Variants in UTP6 observed in about 807,000 individuals in gnomAD.
UTP6 encodes U3 small nucleolar RNA-associated protein 6 homolog.
Under a neutral mutation model 96.5 loss-of-function variants are expected in UTP6, and 60 were observed. That is an observed-to-expected ratio of 0.62 (90% confidence interval 0.51 to 0.77). The LOEUF is 0.77. Among genes scored for constraint, UTP6 ranks in the 30% least tolerant of loss-of-function variants. UTP6 has a pLI of 0.00. For missense variants in UTP6, 637 were observed against 706.5 expected (o/e 0.90, Z 1.12); for synonymous variants, 215 against 240.1 (o/e 0.90, Z 0.96).
intron 13 of UTP6, among the ~76,000 whole-genome samples, chr17:31,877,067 G>A (rs894064766): frequency 1.3e-5 from 2 of 152,106 alleles, no homozygotes; most frequent in African/African-American, 2.4e-5. Context: ...CAGTATTTGT[G>A]GAGTGTCAAG....
At chr17:31,870,979 CT>C (rs1234860337) in intron 16 of UTP6, among the ~76,000 whole-genome samples, 1 of 139,558 alleles carries the variant, frequency 7.2e-6, no homozygotes, top group Non-Finnish European at 1.5e-5. Flanking sequence ...TGACACCCAA[CT>C]TTTTAAGTTT....
chr17:31,868,325 GT>G (rs33960994), intron 16 of UTP6, among the ~76,000 whole-genome samples: 111 of 90,508 alleles, frequency 1.2e-3, no homozygotes, highest in African/African-American at 2.8e-3. Context: ...TAGTTTTTTG[GT>G]TTTTTTTTTT....
At chr17:31,863,602 A>G in intron 18 of UTP6, 86 bp from the exon 19 acceptor site, 2 of 1,248,184 alleles carry the variant, frequency 1.6e-6, no homozygotes, top group East Asian at 5.0e-5. Context: ...CAAGATTTCT[A>G]AGAAACTTAA....
chr17:31,865,294 T>C, intron 18 of UTP6, 72 bp downstream of exon 18: 2 of 1,505,778 alleles, frequency 1.3e-6, no homozygotes, highest in African/African-American at 2.8e-5. Context: ...ATTACAGGCA[T>C]GAGCCACTGT....
intron 17 of UTP6, among the ~76,000 whole-genome samples, chr17:31,866,485 T>G (rs1909823399): frequency 6.6e-6 from 1 of 151,058 alleles, no homozygotes; most frequent in Non-Finnish European, 1.5e-5. Flanking sequence ...TCCCAGCACT[T>G]TGGGAGGCTG....
chr17:31,878,818 T>C (rs779020546), intron 11 of UTP6, 37 bp from the exon 12 acceptor site: 1 of 1,581,480 alleles, frequency 6.3e-7, no homozygotes, highest in East Asian at 2.2e-5. Context: ...ATCAGATCAC[T>C]TAGTTCAACA....
chr17:31,879,831 T>TG (rs1424962231), intron 11 of UTP6, among the ~76,000 whole-genome samples: 1 of 151,784 alleles, frequency 6.6e-6, no homozygotes, highest in Non-Finnish European at 1.5e-5. Context: ...CACGGCCAAA[T>TG]GCGGTGGCTC....
chr17:31,874,559 A>AAC (rs1910378161), intron 14 of UTP6, among the ~76,000 whole-genome samples: 1 of 151,662 alleles, frequency 6.6e-6, no homozygotes, highest in African/African-American at 2.4e-5. Flanking sequence ...AAAAAGGAAA[A>AAC]ACCACCAAAT....
chr17:31,881,486 C>T (rs1402258759), intron 10 of UTP6, among the ~76,000 whole-genome samples: 3 of 152,040 alleles, frequency 2.0e-5, no homozygotes, highest in Non-Finnish European at 4.4e-5. Context: ...CCAGACTGGT[C>T]TCAAACTCTT....
chr17:31,881,800 C>T (rs1910861576), intron 10 of UTP6, among the ~76,000 whole-genome samples: 1 of 151,770 alleles, frequency 6.6e-6, no homozygotes, highest in African/African-American at 2.4e-5. Flanking sequence ...CTCAGGTGAT[C>T]CTCCCACCTC....
At chr17:31,889,198 A>T in intron 7 of UTP6, 87 bp downstream of exon 7, 3 of 971,226 alleles carry the variant, frequency 3.1e-6, no homozygotes, top group Non-Finnish European at 4.5e-6. Context: ...GAGGCGTAAG[A>T]ATTGCTTGAA....
chr17:31,897,028 G>A (rs1904692805), intron 2 of UTP6, among the ~76,000 whole-genome samples: 1 of 151,748 alleles, frequency 6.6e-6, no homozygotes, highest in Admixed American at 6.6e-5. Flanking sequence ...GCTCAAGTCT[G>A]TAATTCCCAA....
Position 31,878,747 on chromosome 17 carries a change from C to G in UTP6, c.1002G>C (p.Leu334Phe). The change falls in exon 12 of 19, where the codon TTG becomes TTC. Residue 334 changes from leucine to phenylalanine, a missense_variant. By Grantham distance (22) the Leu-to-Phe change is conservative. Transcript: ENST00000261708. ...TATTTGACTTCTTAGTAAATCTTTC[C>G]AAGCAAAAGGTGATGTAACACTTCC... is the stretch of plus-strand genomic sequence containing the variant. ...AMWKCYITFC[L>F]ERFTKKSNSG... is the part of the protein sequence containing the mutation. The G allele has an allele frequency of 6.2e-7, 1 of 1,614,120 alleles. No homozygotes were observed.
intron 14 of UTP6, 130 bp from the exon 15 acceptor site, chr17:31,873,883 T>C: frequency 1.0e-6 from 1 of 994,900 alleles, no homozygotes; most frequent in South Asian, 1.9e-5. Context: ...TCCTATGCTC[T>C]GAAAACTAGT....
intron 11 of UTP6, 60 bp from the exon 12 acceptor site, chr17:31,878,841 A>G (rs1165718823): frequency 6.8e-7 from 1 of 1,477,240 alleles, no homozygotes; most frequent in East Asian, 2.3e-5. Flanking sequence ...CATCACATCA[A>G]AGTTATTAAA....
chr17:31,897,443 CTTTTTTT>C (rs397857995), intron 2 of UTP6, among the ~76,000 whole-genome samples: 5 of 103,218 alleles, frequency 4.8e-5, no homozygotes, highest in African/African-American at 1.5e-4. Context: ...AACTTCTAGT[CTTTTTTT>C]TTTTTTTTTT....
intron 1 of UTP6, among the ~76,000 whole-genome samples, chr17:31,900,582 G>A (rs1265655876): frequency 6.6e-6 from 1 of 152,168 alleles, no homozygotes; most frequent in East Asian, 1.9e-4. Flanking sequence ...GAGCCACAGC[G>A]CCTGGCTGGT....
chr17:31,869,032 A>C (rs1598094785), intron 16 of UTP6, among the ~76,000 whole-genome samples: 1 of 152,088 alleles, frequency 6.6e-6, no homozygotes, highest in African/African-American at 2.4e-5. Context: ...AATCACTTGA[A>C]CCTGGGAGGC....
intron 16 of UTP6, among the ~76,000 whole-genome samples, chr17:31,868,800 T>C (rs1909991249): frequency 6.6e-6 from 1 of 152,162 alleles, no homozygotes; most frequent in Non-Finnish European, 1.5e-5. Flanking sequence ...AAAACAGTAT[T>C]ACTGTGGCCA....
Sources: allele counts gnomAD v4.1 joint callset (sites outside exome capture counted in the v4.1 genomes callset), GRCh38; gene constraint gnomAD v4.1.1; transcripts MANE v1.5; gene names NCBI Gene and HGNC (gene_info 2026-07-23, HGNC 2026-07-21).